The following WWOX variants were observed in gnomAD, a reference collection of about 807,000 sequenced individuals.
WWOX encodes the protein WW domain containing oxidoreductase.
Under a neutral mutation model 46.2 loss-of-function variants are expected in WWOX, and 69 were observed. That is an observed-to-expected ratio of 1.49 (90% confidence interval 1.23 to 1.82). The LOEUF (loss-of-function observed/expected upper bound fraction) is 1.82, where lower values mean the gene tolerates loss of function less well. Among genes scored for constraint, WWOX ranks in the 40% most tolerant of loss-of-function variants. WWOX has a pLI of 0.00. For synonymous variants in WWOX, 359 were observed against 202.6 expected, an observed-to-expected ratio of 1.77 and a Z score of -6.56; for missense variants, 919 against 542.6, an observed-to-expected ratio of 1.69 and a Z score of -6.89.
chr16:78,635,161 A>G lies in WWOX; in HGVS notation c.1056+202409A>G, dbSNP rs2046537578. Among the ~76,000 whole-genome samples, 4 of 152,158 alleles carry G rather than the reference A, an allele frequency of 2.6e-5. No individual in the cohort carries two copies. The South Asian group carries it at 8.3e-4, about 31-fold the overall frequency. On this transcript the variant is annotated intron_variant, in intron 8 of 8. Coordinates refer to ENST00000566780, the MANE Select transcript of WWOX (RefSeq NM_016373.4). ...GCCAAAACTGTACCTCTTGCCACTC[A>G]ACATCTGCAGTCAAAGGCTTCCTGA...
At chr16:78,745,089 T>TA (rs569757201) in intron 8 of WWOX, among the ~76,000 whole-genome samples, 1,683 of 151,852 alleles carry the variant, frequency 0.011, 16 homozygotes, top group Non-Finnish European at 0.016. Flanking sequence ...TCTCAAGAGG[T>TA]AAAAAAAACT....
In WWOX at chr16:78,993,240, C is replaced by T. The variant is rs188229705; in HGVS notation, c.1057-218368C>T. On this transcript the variant is annotated intron_variant, in intron 8 of 8. Coordinates refer to ENST00000566780, the MANE Select transcript of WWOX (RefSeq NM_016373.4). ...TTTGTTTGCAGTAAGCCGAGGATAA[C>T]GGCGCCGAAACTTTACTATTTGGGG... Among the ~76,000 whole-genome samples the T allele has an allele frequency of 9.3e-5, 14 of 150,372 alleles. No homozygotes were observed. In the East Asian group the frequency reaches 1.6e-3, roughly 17 times the overall value.
At chr16:78,839,645 T>C (rs970312237) in intron 8 of WWOX, among the ~76,000 whole-genome samples, 1 of 152,194 alleles carries the variant, frequency 6.6e-6, no homozygotes, top group African/African-American at 2.4e-5. Context: ...AGGTTCTCAC[T>C]GTTATGGAGG....
intron 8 of WWOX, among the ~76,000 whole-genome samples, chr16:79,182,770 C>G (rs2050937798): frequency 6.6e-6 from 1 of 152,100 alleles, no homozygotes; most frequent in Non-Finnish European, 1.5e-5. Context: ...GTAAATGAGT[C>G]ACTATTTCTG....
intron 8 of WWOX, among the ~76,000 whole-genome samples, chr16:78,818,190 C>G (rs1478031142): frequency 6.6e-6 from 1 of 152,194 alleles, no homozygotes; most frequent in African/African-American, 2.4e-5. Flanking sequence ...TCTCTGTGTT[C>G]AGGTACTCCC....
intron 8 of WWOX, among the ~76,000 whole-genome samples, chr16:79,168,954 A>C (rs1597440861): frequency 6.6e-6 from 1 of 152,208 alleles, no homozygotes; most frequent in African/African-American, 2.4e-5. Flanking sequence ...TCACTTTGAA[A>C]ACTGGCCCAC....
At chr16:78,589,679 T>C (rs1380799655) in intron 8 of WWOX, among the ~76,000 whole-genome samples, 1 of 152,198 alleles carries the variant, frequency 6.6e-6, no homozygotes, top group Non-Finnish European at 1.5e-5. Flanking sequence ...AATACCTGGA[T>C]TGCATCTAAA....
intron 8 of WWOX, chr16:78,996,390 G>A (rs1189029986): frequency 2.6e-6 from 2 of 756,178 alleles, no homozygotes; most frequent in African/African-American, 4.3e-5. Context: ...CCGCCCCCCA[G>A]CTTCCCCACC....
chr16:78,414,986 G>C (rs1209168248), intron 6 of WWOX, among the ~76,000 whole-genome samples: 1 of 151,750 alleles, frequency 6.6e-6, no homozygotes. Context: ...AAGAATAAAA[G>C]AATGGCTACT....
At chr16:79,134,237 T>G (rs1445900132) in intron 8 of WWOX, among the ~76,000 whole-genome samples, 5 of 152,184 alleles carry the variant, frequency 3.3e-5, no homozygotes, top group African/African-American at 1.2e-4. Context: ...TATAAATAAC[T>G]GCTGAGGGCA....
At chr16:79,013,185 C>A (rs545125974) in intron 8 of WWOX, among the ~76,000 whole-genome samples, 2 of 152,318 alleles carry the variant, frequency 1.3e-5, no homozygotes, top group East Asian at 1.9e-4. Context: ...ACCGCACAGC[C>A]CCAGGGCTTT....
At chr16:78,947,681 A>C (rs933053349) in intron 8 of WWOX, among the ~76,000 whole-genome samples, 12 of 152,222 alleles carry the variant, frequency 7.9e-5, no homozygotes, top group African/African-American at 2.9e-4. Context: ...TCAATAAAGC[A>C]ATTGCTTTGT....
chr16:78,176,785 C>G (rs896830520), intron 5 of WWOX, among the ~76,000 whole-genome samples: 1 of 152,124 alleles, frequency 6.6e-6, no homozygotes, highest in African/African-American at 2.4e-5. Flanking sequence ...AAATCTACAT[C>G]AAATTGCAAG....
chr16:78,362,047 C>G (rs1396295101), intron 5 of WWOX, among the ~76,000 whole-genome samples: 2 of 145,842 alleles, frequency 1.4e-5, no homozygotes, highest in African/African-American at 5.1e-5. Flanking sequence ...TGGTTGGCTT[C>G]TATGAAGGAC....
chr16:78,457,954 T>G (rs1218175581), intron 8 of WWOX, among the ~76,000 whole-genome samples: 1 of 145,656 alleles, frequency 6.9e-6, no homozygotes, highest in African/African-American at 2.6e-5. Flanking sequence ...GGCAGGTGCC[T>G]GTAATCACAG....
chr16:78,437,532 A>T (rs1480966593), intron 8 of WWOX, among the ~76,000 whole-genome samples: 4 of 152,216 alleles, frequency 2.6e-5, no homozygotes, highest in Non-Finnish European at 5.9e-5. Flanking sequence ...ATCAATTCTC[A>T]GCACAGCGGC....
At chr16:79,050,922 G>A (rs114194032) in intron 8 of WWOX, among the ~76,000 whole-genome samples, 5 of 152,332 alleles carry the variant, frequency 3.3e-5, no homozygotes, top group African/African-American at 9.6e-5. Context: ...AAGGCAAAGT[G>A]GTTGAGGAGA....
intron 7 of WWOX, among the ~76,000 whole-genome samples, chr16:78,430,760 A>G (rs1387528568): frequency 6.6e-6 from 1 of 152,072 alleles, no homozygotes; most frequent in Non-Finnish European, 1.5e-5. Context: ...AGCTTTGTTG[A>G]TGACTTTAGA....
At chr16:78,730,552 A>G (rs771831875) in intron 8 of WWOX, among the ~76,000 whole-genome samples, 1 of 151,580 alleles carries the variant, frequency 6.6e-6, no homozygotes, top group African/African-American at 2.4e-5. Context: ...CCTGGTCTCA[A>G]ATGATCCACC....
Sources: allele counts gnomAD v4.1 joint callset (sites outside exome capture counted in the v4.1 genomes callset), GRCh38; gene constraint gnomAD v4.1.1; transcripts MANE v1.5; gene names NCBI Gene and HGNC (gene_info 2026-07-23, HGNC 2026-07-21).